The following KHDRBS2 variants were observed in gnomAD, a reference collection of about 807,000 sequenced individuals.
KHDRBS2 encodes the protein KH domain-containing, RNA-binding, signal transduction-associated protein 2.
Under a neutral mutation model 44.3 loss-of-function variants are expected in KHDRBS2, and 26 were observed. The ratio of observed to expected loss-of-function variants is 0.59; its 90% CI spans 0.43 to 0.81. The LOEUF is 0.81. Ranked by LOEUF, KHDRBS2 falls within the 40% of genes least tolerant of loss-of-function variation. KHDRBS2 has a pLI of 0.00. For synonymous variants in KHDRBS2, 194 were observed against 151.1 expected, an observed-to-expected ratio of 1.28 and a Z score of -2.08; for missense variants, 476 against 433.1, an observed-to-expected ratio of 1.10 and a Z score of -0.88.
chr6:61,673,566 T>A, the KHDRBS2 span, among the ~76,000 whole-genome samples: 1 of 143,228 alleles, frequency 7.0e-6, no homozygotes, highest in South Asian at 2.3e-4. Context: ...GATAAGCAAC[T>A]TCAGCAAAGT....
At chr6:61,647,830 A>G in the KHDRBS2 span, among the ~76,000 whole-genome samples, 2 of 152,108 alleles carry the variant, frequency 1.3e-5, no homozygotes, top group Non-Finnish European at 2.9e-5. Context: ...ATTAACTCTT[A>G]TTCTACCTTA....
chr6:62,183,100 T>A (rs1489272916), intron 1 of KHDRBS2, among the ~76,000 whole-genome samples: 1 of 151,840 alleles, frequency 6.6e-6, no homozygotes, highest in Non-Finnish European at 1.5e-5. Context: ...TTTAGAACCC[T>A]TAATAGCTAT....
At chr6:61,823,626 A>C (rs935017160) in intron 6 of KHDRBS2, among the ~76,000 whole-genome samples, 1 of 149,348 alleles carries the variant, frequency 6.7e-6, no homozygotes, top group African/African-American at 2.5e-5. Context: ...CTCATCAGTG[A>C]GGTAATTGCT....
intron 1 of KHDRBS2, among the ~76,000 whole-genome samples, chr6:62,229,493 G>C (rs1490208422): frequency 6.6e-6 from 1 of 152,124 alleles, no homozygotes; most frequent in South Asian, 2.1e-4. Context: ...TAGCTCAGAT[G>C]GTTTAGACAG....
chr6:61,960,991 T>C (rs1431455384), intron 4 of KHDRBS2, among the ~76,000 whole-genome samples: 1 of 152,108 alleles, frequency 6.6e-6, no homozygotes, highest in Non-Finnish European at 1.5e-5. Context: ...TGAAGTAGTG[T>C]TCAGTTTATC....
the KHDRBS2 span, among the ~76,000 whole-genome samples, chr6:61,565,468 C>CA: frequency 2.5e-3 from 385 of 151,848 alleles, 4 homozygotes; most frequent in Middle Eastern, 0.034. Flanking sequence ...AACTCAATAG[C>CA]AAAAAAACAA....
intron 2 of KHDRBS2, among the ~76,000 whole-genome samples, chr6:62,155,295 G>T (rs996897532): frequency 2.6e-5 from 4 of 152,190 alleles, no homozygotes; most frequent in African/African-American, 9.6e-5. Flanking sequence ...AGTACCAGCA[G>T]AAATTCTAAG....
chr6:61,982,262 G>A (rs1006029574), intron 3 of KHDRBS2, among the ~76,000 whole-genome samples: 2 of 152,050 alleles, frequency 1.3e-5, no homozygotes, highest in Non-Finnish European at 2.9e-5. Flanking sequence ...GCTCTTGGAA[G>A]CAGCTACTGG....
intron 3 of KHDRBS2, among the ~76,000 whole-genome samples, chr6:62,025,201 T>C (rs2127284663): frequency 2.0e-5 from 3 of 151,886 alleles, no homozygotes; most frequent in African/African-American, 7.2e-5. Flanking sequence ...AAAGAGACAG[T>C]CTGAATTTGG....
rs144418233 is a variant in KHDRBS2, at chr6:62,203,391, A to T, written c.92-26079T>A. ...GGGTGGTAATGGAGAGAAGTGAAATAACTTGATATTTATTTAGAAGATAAA... is the reference window on the plus strand; with the variant it reads ...GGGTGGTAATGGAGAGAAGTGAAATTACTTGATATTTATTTAGAAGATAAA... On this transcript the variant is annotated intron_variant, in intron 1 of 8. Coordinates refer to ENST00000281156, the MANE Select transcript of KHDRBS2 (RefSeq NM_152688.4). Among the ~76,000 whole-genome samples the T allele has an allele frequency of 6.6e-5, 10 of 152,282 alleles. No homozygotes were observed. The East Asian group carries it at 1.9e-3, about 29-fold the overall frequency.
intron 2 of KHDRBS2, among the ~76,000 whole-genome samples, chr6:62,138,216 T>G (rs2150095768): frequency 6.6e-6 from 1 of 152,304 alleles, no homozygotes; most frequent in Non-Finnish European, 1.5e-5. Context: ...TATCATATAC[T>G]CCTCTTCAGC....
At chr6:61,795,119 C>T (rs1785130439) in intron 6 of KHDRBS2, among the ~76,000 whole-genome samples, 1 of 116,490 alleles carries the variant, frequency 8.6e-6, no homozygotes. Flanking sequence ...AGCCTGGCGA[C>T]TGGCAACAGA....
chr6:61,904,801 C>T (rs1349500472), intron 4 of KHDRBS2, among the ~76,000 whole-genome samples: 1 of 152,098 alleles, frequency 6.6e-6, no homozygotes, highest in Non-Finnish European at 1.5e-5. Context: ...TCCTTGGCTC[C>T]TTCTTTTTTT....
chr6:62,191,312 G>A (rs915646052), intron 1 of KHDRBS2, among the ~76,000 whole-genome samples: 3 of 152,006 alleles, frequency 2.0e-5, no homozygotes, highest in African/African-American at 7.2e-5. Context: ...TACATACTCT[G>A]AGCAAACGAT....
At chr6:61,936,527 A>G (rs1383938542) in intron 4 of KHDRBS2, among the ~76,000 whole-genome samples, 1 of 151,288 alleles carries the variant, frequency 6.6e-6, no homozygotes, top group Non-Finnish European at 1.5e-5. Context: ...ATTTTTTTTT[A>G]TATTTGAATA....
chr6:61,700,529 C>A (rs906696295), intron 7 of KHDRBS2, among the ~76,000 whole-genome samples: 1 of 151,226 alleles, frequency 6.6e-6, no homozygotes, highest in Non-Finnish European at 1.5e-5. Context: ...TATAACTTCT[C>A]ATTTCTTCCA....
intron 7 of KHDRBS2, among the ~76,000 whole-genome samples, chr6:61,707,201 G>A (rs959645158): frequency 6.6e-6 from 1 of 151,628 alleles, no homozygotes; most frequent in Admixed American, 6.6e-5. Flanking sequence ...GATAGTCAAG[G>A]AATGGCAAGA....
intron 2 of KHDRBS2, among the ~76,000 whole-genome samples, chr6:62,066,255 T>C (rs567334413): frequency 2.9e-4 from 44 of 151,842 alleles, no homozygotes; most frequent in Admixed American, 1.4e-3. Context: ...GTTTCTAGAG[T>C]TCTATACAGT....
chr6:61,581,964 G>A, the KHDRBS2 span, among the ~76,000 whole-genome samples: 1 of 151,712 alleles, frequency 6.6e-6, no homozygotes, highest in Admixed American at 6.6e-5. Context: ...TAACAAGGGT[G>A]TAAAGGGAAA....
Sources: allele counts gnomAD v4.1 joint callset (sites outside exome capture counted in the v4.1 genomes callset), GRCh38; gene constraint gnomAD v4.1.1; transcripts MANE v1.5; gene names NCBI Gene and HGNC (gene_info 2026-07-23, HGNC 2026-07-21).